CCDC178: variants seen among roughly 807,000 people sequenced by gnomAD.
CCDC178 encodes the protein coiled-coil domain containing 178.
In CCDC178, 126 loss-of-function variants were observed where a neutral mutation model predicts 117.4. The ratio of observed to expected loss-of-function variants is 1.07; its 90% CI spans 0.93 to 1.24. The LOEUF is 1.24. Among genes scored for constraint, CCDC178 ranks in the 50% most tolerant of loss-of-function variants. The pLI is 0.00. For missense variants in CCDC178, 1,030 were observed against 986.9 expected (o/e 1.04, Z -0.59); for synonymous variants, 283 against 313.4 (o/e 0.90, Z 1.02).
At chr18:33,283,833 G>T (rs79754887) in intron 12 of CCDC178, among the ~76,000 whole-genome samples, 1 of 152,160 alleles carries the variant, frequency 6.6e-6, no homozygotes, top group Non-Finnish European at 1.5e-5. Context: ...TCATCGTTGT[G>T]GATTACAGTG....
chr18:32,954,946 CT>C (rs2054563168), intron 22 of CCDC178, among the ~76,000 whole-genome samples: 1 of 152,090 alleles, frequency 6.6e-6, no homozygotes, highest in Non-Finnish European at 1.5e-5. Flanking sequence ...GTCACTCATA[CT>C]CCTTTGCTAT....
At chr18:33,276,748 G>T (rs1319816498) in intron 12 of CCDC178, among the ~76,000 whole-genome samples, 1 of 152,092 alleles carries the variant, frequency 6.6e-6, no homozygotes, top group Non-Finnish European at 1.5e-5. Context: ...GTGTGTTTAA[G>T]AAAGGATGAA....
chr18:33,430,667 ACAT>A (rs1169281438), intron 2 of CCDC178, among the ~76,000 whole-genome samples: 1 of 152,298 alleles, frequency 6.6e-6, no homozygotes, highest in East Asian at 1.9e-4. Flanking sequence ...CACATCACTA[ACAT>A]CATCAAAGAA....
intron 21 of CCDC178, among the ~76,000 whole-genome samples, chr18:33,073,692 G>A (rs944417599): frequency 1.2e-4 from 18 of 151,940 alleles, no homozygotes; most frequent in East Asian, 3.9e-4. Context: ...AATATTTGCC[G>A]GGCACTTCTC....
At chr18:33,215,845 G>C (rs551178855) in intron 18 of CCDC178, 150 bp from the exon 19 acceptor site, 1 of 556,870 alleles carries the variant, frequency 1.8e-6, no homozygotes, top group African/African-American at 2.0e-5. Flanking sequence ...CCAGCACTTT[G>C]GGAAGTCAAA....
At chr18:33,103,529 T>C (rs913503433) in intron 20 of CCDC178, among the ~76,000 whole-genome samples, 2 of 150,880 alleles carry the variant, frequency 1.3e-5, no homozygotes, top group South Asian at 4.2e-4. Flanking sequence ...CAGAGGACCA[T>C]AGTAAGGTGA....
chr18:33,303,716 A>G (rs1170453203), intron 11 of CCDC178, among the ~76,000 whole-genome samples: 1 of 152,090 alleles, frequency 6.6e-6, no homozygotes, highest in Non-Finnish European at 1.5e-5. Context: ...CTAAAAGAAG[A>G]TAGTTTTAAT....
At chr18:33,038,572 TC>T (rs1341953495) in intron 21 of CCDC178, among the ~76,000 whole-genome samples, 1 of 152,016 alleles carries the variant, frequency 6.6e-6, no homozygotes, top group African/African-American at 2.4e-5. Flanking sequence ...AATGTCATGT[TC>T]TTTGAGACAT....
chr18:33,439,930 C>T (rs1262915601), intron 2 of CCDC178, 32 bp downstream of exon 2: 3 of 152,176 alleles, frequency 2.0e-5, no homozygotes, highest in Admixed American at 2.0e-4. Flanking sequence ...TTTGTCAAAT[C>T]ACAAATCAGC....
chr18:33,381,217 G>T (rs529656505), intron 5 of CCDC178, among the ~76,000 whole-genome samples: 1 of 152,052 alleles, frequency 6.6e-6, no homozygotes, highest in African/African-American at 2.4e-5. Context: ...CTGAACAATA[G>T]TAATAAGAAA....
intron 20 of CCDC178, among the ~76,000 whole-genome samples, chr18:33,140,675 CT>C (rs945775927): frequency 6.6e-6 from 1 of 152,098 alleles, no homozygotes; most frequent in African/African-American, 2.4e-5. Flanking sequence ...ATTTTACAGG[CT>C]TATAGAAGGA....
At chr18:33,230,246 C>CTGTG (rs111674114) in intron 15 of CCDC178, among the ~76,000 whole-genome samples, 1,883 of 148,090 alleles carry the variant, frequency 0.013, 29 homozygotes, top group African/African-American at 0.041. Flanking sequence ...AACTCAGAGG[C>CTGTG]TGTGTGTGTG....
chr18:33,420,048 G>T (rs1475793072), intron 2 of CCDC178, among the ~76,000 whole-genome samples: 1 of 151,876 alleles, frequency 6.6e-6, no homozygotes, highest in Non-Finnish European at 1.5e-5. Flanking sequence ...CATCCCGAAT[G>T]CCCATCAATA....
At chr18:33,390,168 C>T (rs1375017924) in intron 4 of CCDC178, among the ~76,000 whole-genome samples, 1 of 151,176 alleles carries the variant, frequency 6.6e-6, no homozygotes, top group Non-Finnish European at 1.5e-5. Flanking sequence ...AAGAAACTGT[C>T]ATTTTTAGAA....
intron 2 of CCDC178, among the ~76,000 whole-genome samples, chr18:33,435,230 T>C (rs751635066): frequency 1.3e-5 from 2 of 152,162 alleles, no homozygotes; most frequent in Non-Finnish European, 2.9e-5. Flanking sequence ...TTCTCTGTCA[T>C]AGCCACTAGC....
chr18:33,268,988 G>A (rs1349622060), intron 12 of CCDC178, among the ~76,000 whole-genome samples: 1 of 151,728 alleles, frequency 6.6e-6, no homozygotes, highest in Non-Finnish European at 1.5e-5. Context: ...ATAATTTATT[G>A]TCAAAAGCAG....
chr18:33,273,176 C>T (rs1200124255), intron 12 of CCDC178, among the ~76,000 whole-genome samples: 3 of 151,404 alleles, frequency 2.0e-5, no homozygotes, highest in African/African-American at 7.3e-5. Context: ...ACTATAGAGC[C>T]TAATGAACAA....
intron 21 of CCDC178, among the ~76,000 whole-genome samples, chr18:33,025,830 G>A (rs920419379): frequency 1.3e-5 from 2 of 152,052 alleles, no homozygotes; most frequent in Non-Finnish European, 2.9e-5. Context: ...CTTAACACAC[G>A]AATCACTTAA....
intron 22 of CCDC178, among the ~76,000 whole-genome samples, chr18:32,945,135 A>G (rs2144601747): frequency 6.6e-6 from 1 of 152,298 alleles, no homozygotes; most frequent in Non-Finnish European, 1.5e-5. Context: ...TCAATGCTGT[A>G]TATGCTTGGA....
Sources: allele counts gnomAD v4.1 joint callset (sites outside exome capture counted in the v4.1 genomes callset), GRCh38; gene constraint gnomAD v4.1.1; transcripts MANE v1.5; gene names NCBI Gene and HGNC (gene_info 2026-07-23, HGNC 2026-07-21).